EPS8L2: variants seen among roughly 807,000 people sequenced by gnomAD.
EPS8L2 encodes epidermal growth factor receptor kinase substrate 8-like protein 2.
EPS8L2 carries 81 observed loss-of-function variants against 99.4 expected under a neutral mutation model. That is an observed-to-expected ratio of 0.82 (90% CI 0.68 to 0.98). The LOEUF is 0.98. Among genes scored for constraint, EPS8L2 ranks in the 50% least tolerant of loss-of-function variants. EPS8L2 has a pLI of 0.00. For synonymous variants in EPS8L2, 509 were observed against 407.3 expected (o/e 1.25, Z -3.01); for missense variants, 1,155 against 968.8 (o/e 1.19, Z -2.55).
chr11:715,190 T>G (rs545936385), intron 4 of EPS8L2, among the ~76,000 whole-genome samples: 4 of 151,216 alleles, frequency 2.6e-5, no homozygotes, highest in East Asian at 3.9e-4. Context: ...TGCAGTAAGC[T>G]GAGATTGCGC....
chr11:720,537 A>T, intron 5 of EPS8L2, 60 bp from the exon 6 acceptor site: 1 of 1,557,430 alleles, frequency 6.4e-7, no homozygotes, highest in East Asian at 2.4e-5. Context: ...AGCTCCGGCC[A>T]CTCCCTGCCA....
chr11:715,878 C>T (rs1214037778), intron 4 of EPS8L2, among the ~76,000 whole-genome samples: 1 of 151,950 alleles, frequency 6.6e-6, no homozygotes, highest in Non-Finnish European at 1.5e-5. Flanking sequence ...CCTCGGCCTC[C>T]TAAAGTGCTG....
At chr11:717,177 G>A (rs745584941) in intron 4 of EPS8L2, among the ~76,000 whole-genome samples, 5 of 151,964 alleles carry the variant, frequency 3.3e-5, no homozygotes, top group African/African-American at 9.7e-5. Flanking sequence ...GGGTATCACC[G>A]TGTTGGTCAG....
intron 4 of EPS8L2, among the ~76,000 whole-genome samples, chr11:714,153 A>T (rs777153804): frequency 6.6e-6 from 1 of 151,662 alleles, no homozygotes; most frequent in Non-Finnish European, 1.5e-5. Flanking sequence ...ATTTCTGGAG[A>T]TTTCTTCCGT....
chr11:711,994 A>G (rs570949402), intron 4 of EPS8L2, among the ~76,000 whole-genome samples: 1 of 148,198 alleles, frequency 6.7e-6, no homozygotes, highest in Admixed American at 6.7e-5. Context: ...AAAAAGAGAA[A>G]AAAAAAAGGG....
In EPS8L2 at chr11:725,783, G is replaced by T. The variant is rs1208215548; in HGVS notation, c.1616G>T (p.Gly539Val). The change falls in exon 17 of 21, where the codon GGG (glycine) becomes GTG (valine). Residue 539 changes from glycine (G) to valine (V), a missense_variant. Gly to Val is a moderately radical substitution (Grantham distance 109). Transcript: ENST00000318562. The part of the protein sequence containing the change: ...WKLRSRSGQA[G>V]YVPCNILGEA... Reference sequence around the variant, plus strand: ...CTGCGCAGCCGCAGCGGCCAGGCGGGGTACGTGCCCTGCAACATCCTAGGC... The same window carrying T: ...CTGCGCAGCCGCAGCGGCCAGGCGGTGTACGTGCCCTGCAACATCCTAGGC... 6 of 1,368,398 alleles carry T rather than the reference G, an allele frequency of 4.4e-6. No homozygotes were observed. The highest frequency in any genetic ancestry group is 4.7e-6 in the Non-Finnish European group (5 of 1,064,412). The allele number at this position is 1,368,398 out of a possible 1,614,324, so 84.8% of individuals were successfully genotyped here.
chr11:726,871 G>A, intron 20 of EPS8L2, 30 bp from the exon 21 acceptor site: 1 of 1,605,600 alleles, frequency 6.2e-7, no homozygotes, highest in Non-Finnish European at 8.5e-7. Context: ...GGGACCCCCG[G>A]CTGAGGATGC....
Position 720,047 on chromosome 11 carries a change from C to T in EPS8L2, c.166-15C>T, listed in dbSNP as rs1164258591. The T allele has an allele frequency of 1.9e-6, 3 of 1,606,974 alleles. No homozygotes were observed. Among genetic ancestry groups the T allele is most frequent in the African/African-American group, 2.7e-5 (2 of 74,828 alleles). Reference sequence around the variant, plus strand: ...GGAGGGCTCTGCCCAGCAGTGACCACCTGCCCACCCCCAGCACCTGGCCAC... The same window carrying T: ...GGAGGGCTCTGCCCAGCAGTGACCATCTGCCCACCCCCAGCACCTGGCCAC... On this transcript the variant is annotated splice_polypyrimidine_tract_variant and intron_variant, in intron 4 of 20. Coordinates refer to ENST00000318562, the MANE Select transcript of EPS8L2 (RefSeq NM_022772.4).
intron 4 of EPS8L2, among the ~76,000 whole-genome samples, chr11:714,508 G>C (rs2133508759): frequency 6.6e-6 from 1 of 152,062 alleles, no homozygotes. Context: ...TGGGATTACA[G>C]GCGTGAGCCG....
chr11:719,084 G>A (rs1862089759), intron 4 of EPS8L2, among the ~76,000 whole-genome samples: 2 of 150,084 alleles, frequency 1.3e-5, no homozygotes, highest in African/African-American at 4.9e-5. Flanking sequence ...TCCCACCTCA[G>A]CCTCCCGAGT....
chr11:720,985 GGGGAGGGGAGGAGCCCGGCA>G (rs1554952093), intron 7 of EPS8L2, 59 bp from the exon 8 acceptor site: 23 of 1,371,642 alleles, frequency 1.7e-5, no homozygotes, highest in Non-Finnish European at 2.2e-5. Flanking sequence ...GGAGCCGGCA[GGGGAGGGGAGGAGCCCGGCA>G]GGGAGGGAGG....
At chr11:717,013 G>A (rs1270505400) in intron 4 of EPS8L2, among the ~76,000 whole-genome samples, 1 of 152,146 alleles carries the variant, frequency 6.6e-6, no homozygotes, top group East Asian at 1.9e-4. Flanking sequence ...GTCTCGCTCT[G>A]TTGCCCAGGC....
rs1399553099 is a variant in EPS8L2, at chr11:724,399, G to A, written c.1455-325G>A. On this transcript the variant is annotated intron_variant, in intron 15 of 20. Transcript: ENST00000318562. This position sits in a 1 kb window ranked among gnomAD's most constrained non-coding sequence, Gnocchi z 5.5. ...GAGCTGTGACCCTGGCGTTTCCCAGGAACGCCCCTGGCTCTGGTTCCCCTG... is the reference window on the plus strand; with the variant it reads ...GAGCTGTGACCCTGGCGTTTCCCAGAAACGCCCCTGGCTCTGGTTCCCCTG... Among the ~76,000 whole-genome samples, 1 of 152,184 alleles carries A rather than the reference G, an allele frequency of 6.6e-6. No individual in the cohort carries two copies. The highest frequency in any genetic ancestry group is 1.5e-5 in the Non-Finnish European group (1 of 68,026).
chr11:722,866 T>TC (rs1291166490), intron 14 of EPS8L2, 61 bp downstream of exon 14: 16 of 896,562 alleles, frequency 1.8e-5, no homozygotes, highest in East Asian at 1.1e-4. Context: ...TCACCAGAGC[T>TC]CCCCCCCAGC....
chr11:727,050 T>G lies in EPS8L2; in HGVS notation c.*69T>G. The G allele has an allele frequency of 9.4e-7, 1 of 1,068,390 alleles. No individual in the cohort carries two copies. The highest frequency in any genetic ancestry group is 1.4e-6 in the Non-Finnish European group (1 of 712,508). 66.2% of individuals were successfully genotyped at this position (1,068,390 alleles called of 1,614,324 possible). On this transcript the variant is annotated 3_prime_UTR_variant, in exon 21 of 21. Coordinates refer to ENST00000318562, the MANE Select transcript of EPS8L2 (RefSeq NM_022772.4). ...CACAATGCATGGAGTATTATTTTTA[T>G]ATGTGTATGTATTTTGTATCAAGGA...
In EPS8L2 at chr11:720,102, C is replaced by G; in HGVS notation, c.206C>G (p.Thr69Arg). 1.2e-6 allele frequency: 2 copies of G among 1,613,346 alleles called. No homozygotes were observed. Among genetic ancestry groups the G allele is most frequent in the Non-Finnish European group, 1.7e-6 (2 of 1,179,922 alleles). ...TFIMDKSEAI[T>R]SVDDAIRKLV... Reference sequence around the variant, plus strand: ...ATCATGGACAAGAGCGAAGCCATCACGTCTGTGGACGACGCCATCCGGAAG... The same window carrying G: ...ATCATGGACAAGAGCGAAGCCATCAGGTCTGTGGACGACGCCATCCGGAAG... Residue 69 changes from threonine (T) to arginine (R), a missense_variant, in exon 5 of 21, where the codon ACG becomes AGG. By Grantham distance (71) the Thr-to-Arg change is moderately conservative. Coordinates refer to ENST00000318562, the MANE Select transcript of EPS8L2 (RefSeq NM_022772.4).
intron 4 of EPS8L2, among the ~76,000 whole-genome samples, chr11:712,393 C>T (rs905741364): frequency 2.1e-5 from 3 of 141,366 alleles, no homozygotes; most frequent in South Asian, 2.3e-4. Context: ...AGCCTGGGTG[C>T]GAGCTGGGCT....
rs369919058 is a variant in EPS8L2, at chr11:721,336, A to T, written c.752A>T (p.Lys251Met). 8.6e-5 allele frequency: 133 copies of T among 1,539,648 alleles called. No individual in the cohort carries two copies. In the African/African-American group the frequency reaches 1.5e-3, roughly 18 times the overall value. Residue 251 changes from lysine to methionine, a missense_variant, in exon 9 of 21, where the codon AAG becomes ATG. Lys to Met is a moderately conservative substitution (Grantham distance 95, BLOSUM62 -1). Coordinates refer to ENST00000318562, the MANE Select transcript of EPS8L2 (RefSeq NM_022772.4). ...QEEPRAVLAQ[K>M]IEKETQILNC... ...GAGCCGCGGGCCGTGCTGGCTCAGA[A>T]GATAGAGAAGGAGACGGTGGGTGCC...
chr11:724,835 G>A lies in EPS8L2; in HGVS notation c.1560+6G>A, dbSNP rs371281487. ...TCAAGGATGAGGTCCTAGAGGTGAG[G>A]GGCTGGAGGACGGGGTCCAAGAGGG... On this transcript the variant is annotated splice_donor_region_variant and intron_variant, in intron 16 of 20. Transcript: ENST00000318562. This position sits in a 1 kb window ranked among gnomAD's most constrained non-coding sequence, Gnocchi z 5.5. The A allele has an allele frequency of 4.4e-6, 7 of 1,602,570 alleles. No individual in the cohort carries two copies. The highest frequency in any genetic ancestry group is 1.3e-5 in the African/African-American group (1 of 74,858).
Sources: allele counts gnomAD v4.1 joint callset (sites outside exome capture counted in the v4.1 genomes callset), GRCh38; gene constraint gnomAD v4.1.1; non-coding constraint Gnocchi (gnomAD v3.1); transcripts MANE v1.5; gene names NCBI Gene and HGNC (gene_info 2026-07-23, HGNC 2026-07-21).